The following RECQL variants were observed in gnomAD, a reference collection of about 807,000 sequenced individuals.
RECQL encodes ATP-dependent DNA helicase Q1.
RECQL carries 73 observed loss-of-function variants against 75.8 expected under a neutral mutation model. The observed-to-expected ratio is 0.96, with a 90% CI of 0.80 to 1.17. The LOEUF is 1.17. Ranked by LOEUF, RECQL falls within the 50% of genes most tolerant of loss-of-function variation. The pLI, the probability that RECQL is intolerant of heterozygous loss-of-function variation, is 0.00. For missense variants in RECQL, 699 were observed against 772.1 expected, an observed-to-expected ratio of 0.91 and a Z score of 1.12; for synonymous variants, 248 against 254.4, an observed-to-expected ratio of 0.97 and a Z score of 0.24.
rs560323354 is a variant in RECQL at position 21,469,593 on chromosome 12, AAG to A, written c.*599_*600del. 141 of 152,206 alleles carry A rather than the reference AAG, an allele frequency of 9.3e-4. No individual in the cohort carries two copies. Among genetic ancestry groups the A allele is most frequent in the African/African-American group, 3.1e-3 (130 of 41,448 alleles). The allele number at this position is 152,206 out of a possible 1,614,324, so 9.4% of individuals were successfully genotyped here. A position where few individuals can be genotyped will look rare whatever the true frequency, so the allele number is the denominator to read the frequency against. ...AAGAAAAAATATAGCTAAGTATATA[AAG>A]GCATAAAAAACTTAAGACAATTACA... On this transcript the variant is annotated 3_prime_UTR_variant, in exon 15 of 15. Transcript: ENST00000444129.
At position 21,474,873 on chromosome 12, in the gene RECQL, A is replaced by G. The variant is rs376037221; in HGVS notation, c.1323T>C (p.Tyr441=). ...TGTTTTGACAGTATGATACCATCTC[A>G]TAAAGCTTCTGCTGTCCCACATTTT... ...VMENVGQQKL[Y]EMVSYCQNIS... The change falls in exon 11 of 15, where the codon TAT becomes TAC. Residue 441 remains tyrosine (Y), a synonymous_variant. Transcript: ENST00000444129. 4.3e-6 allele frequency: 7 copies of G among 1,612,828 alleles called. No homozygotes were observed. The highest frequency in any genetic ancestry group is 5.9e-6 in the Non-Finnish European group (7 of 1,179,024).
intron 2 of RECQL, among the ~76,000 whole-genome samples, chr12:21,494,585 T>A (rs1943470504): frequency 6.6e-6 from 1 of 152,072 alleles, no homozygotes; most frequent in Non-Finnish European, 1.5e-5. Flanking sequence ...TAGAGTCCAG[T>A]GAGGCTGGAG....
At chr12:21,497,822 G>C (rs1943536736) in intron 2 of RECQL, among the ~76,000 whole-genome samples, 1 of 152,194 alleles carries the variant, frequency 6.6e-6, no homozygotes, top group South Asian at 2.1e-4. Flanking sequence ...GCTACATCCA[G>C]AGCTAAGTGC....
At chr12:21,488,621 T>C (rs185540789) in intron 4 of RECQL, among the ~76,000 whole-genome samples, 71 of 152,310 alleles carry the variant, frequency 4.7e-4, no homozygotes, top group African/African-American at 1.6e-3. Context: ...TTCGCCAATG[T>C]ACCCCATTTC....
At chr12:21,490,930 T>C (rs1943400011) in intron 3 of RECQL, among the ~76,000 whole-genome samples, 1 of 152,142 alleles carries the variant, frequency 6.6e-6, no homozygotes, top group Non-Finnish European at 1.5e-5. Context: ...AGGTGTTTGA[T>C]CAGGTATTTA....
rs746304101 is a variant in RECQL at position 21,474,931 on chromosome 12, T to A, written c.1265A>T (p.Asp422Val). Residue 422 changes from aspartate to valine, a missense_variant, in exon 11 of 15, where the codon GAT becomes GTT. This residue lies in a region of RECQL where 669 missense variants were observed against 713.5 expected (regional missense o/e 0.94). Transcript: ENST00000444129. Reference protein sequence around the residue: ...ADCILYYGFGDIFRISSMVVM... With the variant: ...ADCILYYGFGVIFRISSMVVM... ...CACCATTGAACTTATTCTGAATATA[T>A]CTCCAAAGCCGTAGTACAAAATACA... 5 of 1,613,136 alleles carry A rather than the reference T, an allele frequency of 3.1e-6. No individual in the cohort carries two copies. In the Admixed American group the frequency reaches 8.3e-5, roughly 27 times the overall value.
At chr12:21,473,683 A>G (rs773050438) in intron 11 of RECQL, 41 bp from the exon 12 acceptor site, 16 of 1,542,194 alleles carry the variant, frequency 1.0e-5, no homozygotes, top group Non-Finnish European at 1.4e-5. Flanking sequence ...AAAGGATATA[A>G]TAAAGTTTTA....
intron 2 of RECQL, among the ~76,000 whole-genome samples, chr12:21,493,130 C>G (rs987585674): frequency 6.6e-6 from 1 of 152,186 alleles, no homozygotes; most frequent in Non-Finnish European, 1.5e-5. Context: ...TCCGGAAGAA[C>G]AGAAACTTAA....
chr12:21,489,175 G>A (rs914028615), intron 4 of RECQL, among the ~76,000 whole-genome samples: 1 of 152,144 alleles, frequency 6.6e-6, no homozygotes, highest in Admixed American at 6.5e-5. Flanking sequence ...TCTAAACCAG[G>A]GATCAACAAA....
chr12:21,472,129 CTCTG>C (rs1419781860), intron 12 of RECQL, among the ~76,000 whole-genome samples: 2 of 152,056 alleles, frequency 1.3e-5, no homozygotes, highest in Non-Finnish European at 2.9e-5. Context: ...TCATAAATTT[CTCTG>C]TCTGCAAAGT....
At chr12:21,497,876 G>GCA (rs1199438226) in intron 2 of RECQL, among the ~76,000 whole-genome samples, 1 of 152,176 alleles carries the variant, frequency 6.6e-6, no homozygotes, top group Non-Finnish European at 1.5e-5. Context: ...TCCAATGGAG[G>GCA]CACCATTCTC....
chr12:21,490,126 T>A (rs971295780), intron 4 of RECQL, 73 bp downstream of exon 4: 2 of 781,624 alleles, frequency 2.6e-6, no homozygotes, highest in Non-Finnish European at 1.9e-6. Flanking sequence ...TTATAAATTA[T>A]TTTTTAAAAG....
intron 6 of RECQL, among the ~76,000 whole-genome samples, chr12:21,481,190 A>C (rs1401535068): frequency 6.6e-6 from 1 of 152,212 alleles, no homozygotes; most frequent in East Asian, 1.9e-4. Context: ...GAACGGAGAA[A>C]GGAAAGGCGA....
At chr12:21,489,975 T>C (rs1340849176) in intron 4 of RECQL, among the ~76,000 whole-genome samples, 1 of 152,024 alleles carries the variant, frequency 6.6e-6, no homozygotes, top group Non-Finnish European at 1.5e-5. Flanking sequence ...TCACACAATA[T>C]ACCCATGTAA....
At chr12:21,479,349 AAT>A (rs1491239929) in intron 6 of RECQL, among the ~76,000 whole-genome samples, 2 of 123,272 alleles carry the variant, frequency 1.6e-5, no homozygotes, top group African/African-American at 5.7e-5. Context: ...ATCATCATGT[AAT>A]TTTTTTTTTT....
In RECQL at chr12:21,476,928, C is replaced by A. The variant is rs781273781; in HGVS notation, c.932G>T (p.Arg311Ile). The change falls in exon 8 of 15, where the codon AGA (arginine) becomes ATA (isoleucine). Residue 311 changes from arginine (R) to isoleucine (I), a missense_variant. Arg to Ile is a moderately conservative substitution (Grantham distance 97). Around this residue, in one of 2 missense-constraint regions of RECQL, gnomAD observed 669 missense variants for 713.5 expected, o/e 0.94. Transcript: ENST00000444129. ...TACATTACCTGATTGCCCTTTGTAT[C>A]TCCCATTAATGAGCTTTACAATATC... ...IEDIVKLING[R>I]YKGQSGIIYC... 3.7e-6 allele frequency: 6 copies of A among 1,607,646 alleles called. No homozygotes were observed. In the South Asian group the frequency reaches 6.7e-5, roughly 18 times the overall value.
chr12:21,501,566 C>A lies in RECQL; in HGVS notation c.-442G>T, dbSNP rs1028569049. Reference sequence around the variant, plus strand: ...TCTCGGATCTCCGACACCAAAGCACCCAGGCCTCGAGCAGATCTTTCCGCT... The same window carrying A: ...TCTCGGATCTCCGACACCAAAGCACACAGGCCTCGAGCAGATCTTTCCGCT... On this transcript the variant is annotated 5_prime_UTR_variant, in exon 1 of 15. Transcript: ENST00000444129. The A allele has an allele frequency of 8.2e-5, 23 of 281,330 alleles. No homozygotes were observed. Among genetic ancestry groups the A allele is most frequent in the Non-Finnish European group, 1.4e-4 (20 of 145,330 alleles). 17.4% of individuals were successfully genotyped at this position (281,330 alleles called of 1,614,324 possible).
chr12:21,473,183 T>C (rs545497310), intron 12 of RECQL, among the ~76,000 whole-genome samples: 1 of 152,276 alleles, frequency 6.6e-6, no homozygotes, highest in South Asian at 2.1e-4. Flanking sequence ...GGACCACGTA[T>C]ATGCCAGTGG....
chr12:21,483,343 C>A (rs752793904), intron 6 of RECQL, 33 bp downstream of exon 6: 1 of 1,447,944 alleles, frequency 6.9e-7, no homozygotes, highest in Admixed American at 1.9e-5. Flanking sequence ...CGGTCTATGA[C>A]ATCAAAAAGT....
Sources: gnomAD v4.1 joint callset for allele counts (sites outside exome capture counted in the v4.1 genomes callset) on GRCh38, gnomAD v4.1.1 for gene constraint, gnomAD v4.1.1 regional missense constraint, MANE v1.5 for transcripts, NCBI Gene and HGNC (gene_info 2026-07-23, HGNC 2026-07-21) for gene names.